Variants in AGBL1 observed in about 807,000 individuals in gnomAD.
AGBL1 encodes the protein cytosolic carboxypeptidase 4.
AGBL1 carries 130 observed loss-of-function variants against 118.9 expected under a neutral mutation model. The ratio of observed to expected loss-of-function variants is 1.09; its 90% CI spans 0.95 to 1.26. The LOEUF (loss-of-function observed/expected upper bound fraction) is 1.26, where lower values mean the gene tolerates loss of function less well. AGBL1 is among the 50% of genes most tolerant of loss of function. AGBL1 has a pLI of 0.00. For missense variants in AGBL1, 1,584 were observed against 1,298.1 expected (o/e 1.22, Z -3.38); for synonymous variants, 555 against 478.9 (o/e 1.16, Z -2.08).
intron 22 of AGBL1, among the ~76,000 whole-genome samples, chr15:86,830,224 C>T (rs752406797): frequency 2.6e-5 from 4 of 152,092 alleles, no homozygotes; most frequent in African/African-American, 9.7e-5. Flanking sequence ...TATACCCATG[C>T]AATCACCATC....
At position 86,139,777 on chromosome 15, in the gene AGBL1, T is replaced by A. The variant is rs529405478; in HGVS notation, c.52-2227T>A. On this transcript the variant is annotated intron_variant, in intron 1 of 22. Coordinates refer to ENST00000614907, the MANE Select transcript of AGBL1 (RefSeq NM_001386094.1). The stretch of plus-strand genomic sequence containing the variant: ...TACATTAATTGATTTTTTTTTTTTT[T>A]AAAAACCAGGGCATTCCTTAGTTTA... 1,376 of 146,404 alleles carry A rather than the reference T, an allele frequency of 9.4e-3. 16 individuals are homozygous for A. The highest frequency in any genetic ancestry group is 0.019 in the African/African-American group (734 of 38,294). 9.1% of individuals were successfully genotyped at this position (146,404 alleles called of 1,614,324 possible).
chr15:86,306,513 A>G (rs2079843691), intron 17 of AGBL1, among the ~76,000 whole-genome samples: 1 of 152,184 alleles, frequency 6.6e-6, no homozygotes, highest in Non-Finnish European at 1.5e-5. Flanking sequence ...TTATGGCTGA[A>G]TAATACTCCA....
chr15:86,151,860 C>G (rs2141680467), intron 3 of AGBL1, among the ~76,000 whole-genome samples: 1 of 152,278 alleles, frequency 6.6e-6, no homozygotes, highest in East Asian at 1.9e-4. Context: ...GCAAAAATCA[C>G]AAGCGTTCCT....
intron 18 of AGBL1, among the ~76,000 whole-genome samples, chr15:86,519,585 G>C (rs1200816269): frequency 6.6e-6 from 1 of 152,306 alleles, no homozygotes; most frequent in East Asian, 1.9e-4. Context: ...ACTCAAGTTA[G>C]GTGTTGTACA....
At chr15:86,578,739 C>A (rs1295069809) in intron 21 of AGBL1, among the ~76,000 whole-genome samples, 2 of 152,166 alleles carry the variant, frequency 1.3e-5, no homozygotes, top group Admixed American at 1.3e-4. Context: ...TGTCCCTACA[C>A]GAGCTCTCTC....
intron 21 of AGBL1, among the ~76,000 whole-genome samples, chr15:86,568,044 C>A (rs1450018794): frequency 6.6e-6 from 1 of 152,154 alleles, no homozygotes; most frequent in African/African-American, 2.4e-5. Flanking sequence ...GTCTCAAATT[C>A]TCCTTATGCT....
chr15:86,479,098 C>T (rs557972112), intron 18 of AGBL1, among the ~76,000 whole-genome samples: 178 of 152,288 alleles, frequency 1.2e-3, no homozygotes, highest in African/African-American at 4.1e-3. Flanking sequence ...GGATTAAAGC[C>T]TTAAATGTTA....
At chr15:86,186,609 T>C (rs1172771982) in intron 5 of AGBL1, among the ~76,000 whole-genome samples, 3 of 152,110 alleles carry the variant, frequency 2.0e-5, no homozygotes, top group African/African-American at 7.2e-5. Flanking sequence ...GCTGTTTTAT[T>C]CTCGAGAGCC....
At chr15:86,623,154 C>T (rs186494850) in intron 21 of AGBL1, among the ~76,000 whole-genome samples, 3 of 152,294 alleles carry the variant, frequency 2.0e-5, no homozygotes, top group Admixed American at 6.5e-5. Context: ...GGCCATGCAG[C>T]GGTATCAGGT....
chr15:86,989,901 G>A (rs143262343), intron 24 of AGBL1, among the ~76,000 whole-genome samples: 5,202 of 152,274 alleles, frequency 0.034, 128 homozygotes, highest in Middle Eastern at 0.068. Context: ...GCAGAAAGAA[G>A]TTGGTCAGGA....
chr15:86,670,491 C>T (rs868671345), intron 21 of AGBL1, among the ~76,000 whole-genome samples: 2 of 151,464 alleles, frequency 1.3e-5, no homozygotes, highest in African/African-American at 2.4e-5. Flanking sequence ...GTAATCACAG[C>T]TACTCGGGAG....
At chr15:86,369,301 G>A (rs932266738) in intron 17 of AGBL1, among the ~76,000 whole-genome samples, 3 of 152,146 alleles carry the variant, frequency 2.0e-5, no homozygotes, top group Non-Finnish European at 4.4e-5. Context: ...TGAATTTAAT[G>A]GGTACTTAAA....
chr15:86,704,121 C>T (rs1345819037), intron 22 of AGBL1, among the ~76,000 whole-genome samples: 1 of 152,122 alleles, frequency 6.6e-6, no homozygotes, highest in East Asian at 1.9e-4. Flanking sequence ...CTTCCTTAGA[C>T]CTTATACAAA....
At chr15:86,942,781 T>A (rs1180359161) in intron 23 of AGBL1, among the ~76,000 whole-genome samples, 1 of 152,208 alleles carries the variant, frequency 6.6e-6, no homozygotes, top group Non-Finnish European at 1.5e-5. Flanking sequence ...CTGGATTCTA[T>A]TTCATTCCAG....
At chr15:86,740,488 A>G (rs2077662018) in intron 22 of AGBL1, among the ~76,000 whole-genome samples, 1 of 152,218 alleles carries the variant, frequency 6.6e-6, no homozygotes, top group South Asian at 2.1e-4. Flanking sequence ...TTCTGCTAAC[A>G]TGCGAGTAGA....
At chr15:86,876,425 C>T (rs1053153466) in intron 22 of AGBL1, among the ~76,000 whole-genome samples, 2 of 152,100 alleles carry the variant, frequency 1.3e-5, no homozygotes, top group African/African-American at 4.8e-5. Context: ...CTGCTGCTGA[C>T]TCCCCGAGAT....
chr15:86,833,634 C>T (rs1351808178), intron 22 of AGBL1, among the ~76,000 whole-genome samples: 1 of 152,120 alleles, frequency 6.6e-6, no homozygotes, highest in Non-Finnish European at 1.5e-5. Context: ...CGAACTAATA[C>T]AGTACTCCAT....
intron 5 of AGBL1, among the ~76,000 whole-genome samples, chr15:86,211,120 C>T (rs768981757): frequency 6.6e-6 from 1 of 152,136 alleles, no homozygotes; most frequent in Admixed American, 6.5e-5. Context: ...CACTCCAGAC[C>T]CTGTTTGTCT....
At chr15:86,896,148 C>A (rs1020805087) in intron 22 of AGBL1, among the ~76,000 whole-genome samples, 1 of 151,586 alleles carries the variant, frequency 6.6e-6, no homozygotes, top group Non-Finnish European at 1.5e-5. Context: ...AAATCTTTTT[C>A]TTTCATTATG....
Sources: gnomAD v4.1 joint callset for allele counts (sites outside exome capture counted in the v4.1 genomes callset) on GRCh38, gnomAD v4.1.1 for gene constraint, MANE v1.5 for transcripts, NCBI Gene and HGNC (gene_info 2026-07-23, HGNC 2026-07-21) for gene names.